Variants in CBR4 observed in about 807,000 individuals in gnomAD.
CBR4 encodes the protein carbonyl reductase 4.
Under a neutral mutation model 21.0 loss-of-function variants are expected in CBR4, and 22 were observed. The ratio of observed to expected loss-of-function variants is 1.05; its 90% CI spans 0.75 to 1.50. The LOEUF is 1.50. CBR4 is among the 40% of genes most tolerant of loss of function. CBR4 has a pLI of 0.00. For synonymous variants in CBR4, 100 were observed against 104.4 expected (o/e 0.96, Z 0.26); for missense variants, 302 against 286.3 (o/e 1.05, Z -0.40).
chr4:168,938,849 C>A (rs1763183114), intron 2 of CBR4, among the ~76,000 whole-genome samples: 1 of 152,166 alleles, frequency 6.6e-6, no homozygotes, highest in Non-Finnish European at 1.5e-5. Context: ...GGATTCACAG[C>A]CAAATTCTAC....
At chr4:168,969,475 C>T (rs563678967) in intron 2 of CBR4, among the ~76,000 whole-genome samples, 1 of 152,252 alleles carries the variant, frequency 6.6e-6, no homozygotes, top group East Asian at 1.9e-4. Context: ...GATAATCTGG[C>T]TAGACCCAGT....
At chr4:168,984,931 A>C (rs1764642480), downstream of CBR4, among the ~76,000 whole-genome samples, 2 of 152,240 alleles carry the variant, frequency 1.3e-5, no homozygotes, top group African/African-American at 4.8e-5. Flanking sequence ...TTAAAGACTT[A>C]AATGTAAAAC....
intron 2 of CBR4, chr4:168,903,977 C>A: frequency 7.2e-7 from 1 of 1,383,266 alleles, no homozygotes; most frequent in Non-Finnish European, 1.0e-6. Flanking sequence ...GACAAAGGAA[C>A]TATTTAAAAG....
chr4:168,911,324 T>A (rs932391560), intron 2 of CBR4, among the ~76,000 whole-genome samples: 1 of 152,240 alleles, frequency 6.6e-6, no homozygotes, highest in African/African-American at 2.4e-5. Context: ...TATATCTTTT[T>A]CTAACCGCAT....
intron 2 of CBR4, among the ~76,000 whole-genome samples, chr4:168,955,904 A>G (rs1290521799): frequency 6.6e-6 from 1 of 152,142 alleles, no homozygotes; most frequent in Non-Finnish European, 1.5e-5. Context: ...AGACCCTAGT[A>G]CCATGGGAAA....
chr4:168,978,451 T>C (rs1208329313), intron 2 of CBR4, among the ~76,000 whole-genome samples: 1 of 152,112 alleles, frequency 6.6e-6, no homozygotes, highest in Non-Finnish European at 1.5e-5. Flanking sequence ...AAGGAAGCAA[T>C]GTAGTCAACA....
At chr4:168,898,250 A>C (rs1359809421) in intron 2 of CBR4, 4 of 541,326 alleles carry the variant, frequency 7.4e-6, no homozygotes, top group Non-Finnish European at 9.9e-6. Flanking sequence ...GAAGGAAAAA[A>C]AAATTCATCT....
intron 2 of CBR4, among the ~76,000 whole-genome samples, chr4:168,977,484 G>A (rs1357181470): frequency 3.9e-5 from 6 of 152,168 alleles, no homozygotes; most frequent in African/African-American, 1.4e-4. Flanking sequence ...ACATAGAACA[G>A]TGCCTGACAA....
intron 2 of CBR4, chr4:168,903,840 C>T: frequency 6.2e-7 from 1 of 1,613,446 alleles, no homozygotes; most frequent in South Asian, 1.1e-5. Context: ...GGACCTGCTC[C>T]CTCCATACCA....
chr4:168,995,224 A>G (rs1303726754), intron 4 of CBR4, among the ~76,000 whole-genome samples: 2 of 152,202 alleles, frequency 1.3e-5, no homozygotes, highest in African/African-American at 2.4e-5. Context: ...TTCCAATTCA[A>G]GAAGCACTAA....
At chr4:168,905,245 C>A (rs550115769) in intron 2 of CBR4, among the ~76,000 whole-genome samples, 1 of 140,364 alleles carries the variant, frequency 7.1e-6, no homozygotes, top group Non-Finnish European at 1.5e-5. Context: ...CCGCCTCCTG[C>A]GTTCACACCA....
intron 2 of CBR4, among the ~76,000 whole-genome samples, chr4:168,914,387 G>A (rs1452810902): frequency 6.6e-6 from 1 of 152,172 alleles, no homozygotes; most frequent in Non-Finnish European, 1.5e-5. Context: ...GTGAGTGGAC[G>A]CACACATTAA....
chr4:168,924,360 C>G, intron 2 of CBR4: 1 of 1,613,912 alleles, frequency 6.2e-7, no homozygotes, highest in Non-Finnish European at 8.5e-7. Flanking sequence ...GGAGTGCCAC[C>G]ACCTCAGATA....
rs750417197 is a variant in CBR4, at chr4:168,898,647, A to C, written n.170-3882T>G. ...CCATTCTTTGAGATGAAGCTGAAAC[A>C]TTACAAGATCTTTGAGGGAATGCCA... On this transcript the variant is annotated intron_variant and non_coding_transcript_variant, in intron 2 of 3. Coordinates refer to the CBR4 transcript ENST00000509108. 6.2e-7 allele frequency: 1 copy of C among 1,614,186 alleles called. No individual in the cohort carries two copies. The highest frequency in any genetic ancestry group is 8.5e-7 in the Non-Finnish European group (1 of 1,180,008).
At chr4:168,909,755 C>A (rs1758525785) in intron 2 of CBR4, among the ~76,000 whole-genome samples, 1 of 152,126 alleles carries the variant, frequency 6.6e-6, no homozygotes, top group South Asian at 2.1e-4. Context: ...TCACTTATTG[C>A]TAATTCTATA....
intron 2 of CBR4, among the ~76,000 whole-genome samples, chr4:168,939,088 G>C (rs1006362624): frequency 1.8e-4 from 27 of 152,162 alleles, no homozygotes; most frequent in African/African-American, 6.5e-4. Flanking sequence ...ACATCAAAAA[G>C]CTTATCTACC....
At chr4:169,009,116 C>T (rs541154534) in intron 1 of CBR4, 1 of 437,176 alleles carries the variant, frequency 2.3e-6, no homozygotes, top group South Asian at 1.6e-5. Flanking sequence ...AAGACGCACC[C>T]CTAGGCCTCT....
At chr4:168,973,532 T>G (rs527761784) in intron 2 of CBR4, among the ~76,000 whole-genome samples, 1 of 152,332 alleles carries the variant, frequency 6.6e-6, no homozygotes, top group South Asian at 2.1e-4. Flanking sequence ...TTCACCATGT[T>G]GGTCAGGTTG....
At chr4:168,994,299 C>T (rs1438284908) in intron 4 of CBR4, among the ~76,000 whole-genome samples, 4 of 152,338 alleles carry the variant, frequency 2.6e-5, no homozygotes, top group East Asian at 1.9e-4. Context: ...GGTTCAGGAA[C>T]GCCTTTAAGC....
Sources: gnomAD v4.1 joint callset for allele counts (sites outside exome capture counted in the v4.1 genomes callset) on GRCh38, gnomAD v4.1.1 for gene constraint, MANE v1.5 for transcripts, NCBI Gene and HGNC (gene_info 2026-07-23, HGNC 2026-07-21) for gene names.